Variants in SULF1 observed in about 807,000 individuals in gnomAD.
SULF1 encodes sulfatase 1, also known as extracellular sulfatase Sulf-1.
A neutral mutation model predicts 110.5 loss-of-function variants in SULF1; 46 were observed. That is an observed-to-expected ratio of 0.42 (90% CI 0.33 to 0.53). SULF1 has a LOEUF of 0.53. Among genes scored for constraint, SULF1 ranks in the 20% least tolerant of loss-of-function variants. SULF1 has a pLI of 0.12. For synonymous variants in SULF1, 371 were observed against 387.1 expected (o/e 0.96, Z 0.49); for missense variants, 941 against 1,094.2 (o/e 0.86, Z 1.98).
intron 13 of SULF1, among the ~76,000 whole-genome samples, chr8:69,614,377 G>C (rs1808912677): frequency 6.6e-6 from 1 of 152,234 alleles, no homozygotes; most frequent in Non-Finnish European, 1.5e-5. Context: ...TCCTATTTCA[G>C]TAAATGACTT....
chr8:69,609,248 A>G (rs1808458498), intron 13 of SULF1, among the ~76,000 whole-genome samples: 2 of 152,168 alleles, frequency 1.3e-5, no homozygotes, highest in African/African-American at 4.8e-5. Context: ...CAGGAGGCTG[A>G]GGTGAGGGAA....
chr8:69,556,045 T>C (rs991817368), intron 3 of SULF1, among the ~76,000 whole-genome samples: 3 of 152,200 alleles, frequency 2.0e-5, no homozygotes, highest in African/African-American at 7.2e-5. Context: ...AACTTTATAC[T>C]GTGAGAAAGA....
intron 3 of SULF1, among the ~76,000 whole-genome samples, chr8:69,513,262 T>C (rs1811700311): frequency 6.6e-6 from 1 of 152,242 alleles, no homozygotes; most frequent in Non-Finnish European, 1.5e-5. Flanking sequence ...TAAGATCACC[T>C]ACATAATTTT....
At chr8:69,474,398 T>C (rs1457493774) in intron 1 of SULF1, among the ~76,000 whole-genome samples, 1 of 152,210 alleles carries the variant, frequency 6.6e-6, no homozygotes, top group Non-Finnish European at 1.5e-5. Flanking sequence ...GTTTCACCCT[T>C]AACCTTCACC....
In SULF1 at chr8:69,623,091, A is replaced by G. The variant is rs147001111; in HGVS notation, c.1595-851A>G. Among the ~76,000 whole-genome samples the G allele has an allele frequency of 7.8e-3, 1,194 of 152,294 alleles. 7 individuals carry two copies. Among genetic ancestry groups the G allele is most frequent in the Non-Finnish European group, 0.013 (865 of 68,022 alleles). On this transcript the variant is annotated intron_variant, in intron 14 of 22. Coordinates refer to ENST00000402687, the MANE Select transcript of SULF1 (RefSeq NM_001128205.2). ...TTATCTGGTACACATGAGTTCTTGA[A>G]AAGGTTCCATAGTCACCAGAAAGCA...
intron 13 of SULF1, among the ~76,000 whole-genome samples, chr8:69,619,514 TA>T (rs1452866341): frequency 6.6e-6 from 1 of 152,224 alleles, no homozygotes; most frequent in African/African-American, 2.4e-5. Flanking sequence ...CAAGGACACT[TA>T]GTCCAGAGGC....
At chr8:69,536,129 C>T (rs1027662100) in intron 3 of SULF1, among the ~76,000 whole-genome samples, 2 of 152,108 alleles carry the variant, frequency 1.3e-5, no homozygotes, top group African/African-American at 4.8e-5. Flanking sequence ...TGATCATGTA[C>T]TCTTTATAGT....
chr8:69,637,523 A>G (rs1468866349), intron 19 of SULF1: 1 of 152,952 alleles, frequency 6.5e-6, no homozygotes. Flanking sequence ...AAAAAAATAA[A>G]GCAAGAAATG....
At chr8:69,524,133 A>G (rs1303895356) in intron 3 of SULF1, among the ~76,000 whole-genome samples, 1 of 149,456 alleles carries the variant, frequency 6.7e-6, no homozygotes. Context: ...TTTGAGGTGG[A>G]CAATAGAGAG....
At chr8:69,611,171 C>G (rs147956854) in intron 13 of SULF1, among the ~76,000 whole-genome samples, 19 of 152,322 alleles carry the variant, frequency 1.2e-4, no homozygotes, top group African/African-American at 4.6e-4. Context: ...TAGTTCTTGC[C>G]TCATAGGCTG....
intron 3 of SULF1, among the ~76,000 whole-genome samples, chr8:69,533,254 T>C (rs1304575654): frequency 1.3e-5 from 2 of 152,200 alleles, no homozygotes; most frequent in Non-Finnish European, 2.9e-5. Context: ...TTTTATATTT[T>C]ATTTTAAGTT....
intron 13 of SULF1, among the ~76,000 whole-genome samples, chr8:69,609,182 C>T (rs898928721): frequency 4.6e-5 from 7 of 151,912 alleles, no homozygotes; most frequent in African/African-American, 1.2e-4. Flanking sequence ...GACGCCGTCT[C>T]CACGCACAAA....
At chr8:69,611,963 C>T (rs537935309) in intron 13 of SULF1, among the ~76,000 whole-genome samples, 1 of 152,204 alleles carries the variant, frequency 6.6e-6, no homozygotes, top group Non-Finnish European at 1.5e-5. Flanking sequence ...GCAGTGTATA[C>T]TATACCCAGT....
intron 5 of SULF1, among the ~76,000 whole-genome samples, chr8:69,572,893 T>C (rs192404711): frequency 1.3e-5 from 2 of 152,342 alleles, no homozygotes; most frequent in Admixed American, 6.5e-5. Context: ...AGTGGCGCGA[T>C]CTTGGCTCAC....
chr8:69,535,433 C>T lies in SULF1; in HGVS notation c.-133-28106C>T, dbSNP rs150240643. Among the ~76,000 whole-genome samples the T allele has an allele frequency of 6.4e-3, 980 of 152,222 alleles. 6 individuals are homozygous for T. Among genetic ancestry groups the T allele is most frequent in the African/African-American group, 0.022 (930 of 41,522 alleles). ...AGAGAGGTGCACTCCAGACAGTGTG[C>T]TCTATGGGAGAGAGGAGGAGGTGCA... On this transcript the variant is annotated intron_variant, in intron 3 of 22. Transcript: ENST00000402687.
At chr8:69,635,761 A>G (rs1810944640) in intron 19 of SULF1, among the ~76,000 whole-genome samples, 3 of 152,138 alleles carry the variant, frequency 2.0e-5, no homozygotes, top group Admixed American at 2.0e-4. Flanking sequence ...TCCCAGCACC[A>G]CAGGCGGCTG....
intron 13 of SULF1, among the ~76,000 whole-genome samples, chr8:69,615,178 G>GA (rs1455516351): frequency 3.9e-5 from 6 of 152,148 alleles, no homozygotes; most frequent in Non-Finnish European, 8.8e-5. Flanking sequence ...TCTGATTCCT[G>GA]AAACTCTCCT....
chr8:69,472,773 G>A (rs375814761), intron 1 of SULF1, among the ~76,000 whole-genome samples: 11 of 152,144 alleles, frequency 7.2e-5, no homozygotes, highest in South Asian at 2.1e-4. Flanking sequence ...GCTAGTCTTC[G>A]TTGCCCTCTA....
rs780642053 is a variant in SULF1 at position 69,589,088 on chromosome 8, C to G, written c.681C>G (p.Pro227=). The change falls in exon 8 of 23, where the codon CCC becomes CCG. Residue 227 remains proline, a synonymous_variant. Coordinates refer to ENST00000402687, the MANE Select transcript of SULF1 (RefSeq NM_001128205.2). ...TCAGCCACGCTGCGCCCCACGGCCC[C>G]GAGGACTCAGCCCCACAGTTTTCTA... ...MVISHAAPHG[P]EDSAPQFSKL... The G allele has an allele frequency of 7.4e-6, 12 of 1,614,190 alleles. No homozygotes were observed. Among genetic ancestry groups the G allele is most frequent in the East Asian group, 6.7e-5 (3 of 44,890 alleles).
Sources: allele counts gnomAD v4.1 joint callset (sites outside exome capture counted in the v4.1 genomes callset), GRCh38; gene constraint gnomAD v4.1.1; transcripts MANE v1.5; gene names NCBI Gene and HGNC (gene_info 2026-07-23, HGNC 2026-07-21).